CALN1: variants seen among roughly 807,000 people sequenced by gnomAD.
CALN1 encodes the protein calcium-binding protein 8.
A neutral mutation model predicts 30.6 loss-of-function variants in CALN1; 17 were observed. That is an observed-to-expected ratio of 0.56 (90% CI 0.38 to 0.83). The LOEUF (loss-of-function observed/expected upper bound fraction) is 0.83. Ranked by LOEUF, CALN1 falls within the 40% of genes least tolerant of loss-of-function variation. The pLI is 0.00. For synonymous variants in CALN1, 156 were observed against 131.4 expected (o/e 1.19, Z -1.28); for missense variants, 291 against 354.9 (o/e 0.82, Z 1.45).
intron 3 of CALN1, among the ~76,000 whole-genome samples, chr7:72,194,665 C>T (rs1286903738): frequency 6.8e-6 from 1 of 146,998 alleles, no homozygotes; most frequent in Non-Finnish European, 1.5e-5. Context: ...GATCTTGGCT[C>T]ACTGAAACCT....
At chr7:72,451,983 A>G (rs2129564751), upstream of CALN1, among the ~76,000 whole-genome samples, 1 of 152,304 alleles carries the variant, frequency 6.6e-6, no homozygotes, top group East Asian at 1.9e-4. Context: ...CAGCCTGGGC[A>G]ACAAGTGATA....
chr7:72,430,392 G>A (rs1026137830), intron 1 of CALN1, among the ~76,000 whole-genome samples: 1 of 150,812 alleles, frequency 6.6e-6, no homozygotes, highest in Non-Finnish European at 1.5e-5. Context: ...TTTGTAATAC[G>A]ATACACCAGG....
chr7:72,044,260 A>G (rs749700113), intron 4 of CALN1, among the ~76,000 whole-genome samples: 1 of 152,114 alleles, frequency 6.6e-6, no homozygotes, highest in Non-Finnish European at 1.5e-5. Flanking sequence ...GGATGTGCTC[A>G]AAGTTTGTGC....
In CALN1 at chr7:72,087,714, T is replaced by G. The variant is rs75685656; in HGVS notation, c.388+18437A>C. On this transcript the variant is annotated intron_variant, in intron 4 of 6. Coordinates refer to ENST00000395275, the MANE Select transcript of CALN1 (RefSeq NM_031468.4). ...GAATATAAAAGGCTGAGGAAAAACA[T>G]AGAGAAAGAACAGCTATGAGGGGTA... 1.0e-2 allele frequency among the ~76,000 whole-genome samples: 1,514 copies of G among 151,866 alleles called. 17 individuals carry two copies. Among genetic ancestry groups the G allele is most frequent in the African/African-American group, 0.032 (1,328 of 41,408 alleles).
chr7:72,393,802 C>T (rs1805743215), intron 2 of CALN1, among the ~76,000 whole-genome samples: 1 of 148,762 alleles, frequency 6.7e-6, no homozygotes, highest in Non-Finnish European at 1.5e-5. Context: ...CAGGCTGCTG[C>T]ACAGTGGCAC....
In CALN1 at chr7:72,106,092, G is replaced by A; in HGVS notation, c.388+59C>T. On this transcript the variant is annotated intron_variant, in intron 4 of 6. Transcript: ENST00000395275. ...AGTGCAAGGCCCTGCATAAACCGAA[G>A]GTCTCACTGATGAGACCGGGGCATG... The A allele has an allele frequency of 1.4e-5, 22 of 1,580,598 alleles. No individual in the cohort carries two copies. In the South Asian group the frequency reaches 2.3e-4, roughly 16 times the overall value.
rs1473772101 is a variant in CALN1, at chr7:72,023,701, G to A, written c.457C>T (p.Arg153Cys). ...LGPKLVSSEGRDGFLGNTIDS... is the reference protein window; with the variant it reads ...LGPKLVSSEGCDGFLGNTIDS... ...ATCGTGTTCCCAAGAAAACCATCGCGACCTTCTGAAGACACCAGTTTGGGG... is the reference window on the plus strand; with the variant it reads ...ATCGTGTTCCCAAGAAAACCATCGCAACCTTCTGAAGACACCAGTTTGGGG... Residue 153 changes from arginine (R) to cysteine (C), a missense_variant, in exon 5 of 7, where the codon CGC becomes TGC. Around this residue, in one of 2 missense-constraint regions of CALN1, gnomAD observed 169 missense variants for 251.7 expected, o/e 0.67. Transcript: ENST00000395275. The A allele has an allele frequency of 6.2e-6, 10 of 1,613,636 alleles. No individual in the cohort carries two copies. The highest frequency in any genetic ancestry group is 1.1e-5 in the South Asian group (1 of 91,040).
chr7:72,368,489 G>A (rs1290981937), intron 2 of CALN1, among the ~76,000 whole-genome samples: 1 of 151,818 alleles, frequency 6.6e-6, no homozygotes, highest in Non-Finnish European at 1.5e-5. Flanking sequence ...TCCCAATTGA[G>A]TGTGTGATAA....
intron 2 of CALN1, among the ~76,000 whole-genome samples, chr7:72,362,171 C>T (rs146619857): frequency 6.6e-6 from 1 of 152,200 alleles, no homozygotes; most frequent in Non-Finnish European, 1.5e-5. Flanking sequence ...ATAAAATATC[C>T]ACGTCCAGGG....
intron 3 of CALN1, among the ~76,000 whole-genome samples, chr7:72,178,733 G>A (rs191090522): frequency 2.7e-5 from 4 of 150,932 alleles, no homozygotes; most frequent in African/African-American, 9.7e-5. Context: ...ACAAACTCCC[G>A]CTTTATTTTT....
Position 72,343,128 on chromosome 7 carries a change from G to C in CALN1, c.119+60123C>G, listed in dbSNP as rs182491429. 1.1e-4 allele frequency among the ~76,000 whole-genome samples: 16 copies of C among 152,260 alleles called. No individual in the cohort carries two copies. In the East Asian group the frequency reaches 2.9e-3, roughly 28 times the overall value. ...GGAAAAAGCTATAACTGCCTCGAAA[G>C]ACTATTAATGAGAGTTGCAAGGACC... On this transcript the variant is annotated intron_variant, in intron 2 of 6. Coordinates refer to ENST00000395275, the MANE Select transcript of CALN1 (RefSeq NM_031468.4).
chr7:72,041,554 T>A (rs542514409), intron 4 of CALN1, among the ~76,000 whole-genome samples: 3 of 152,110 alleles, frequency 2.0e-5, no homozygotes, highest in East Asian at 3.9e-4. Context: ...CAGCTAATTT[T>A]TGTATTTTTA....
chr7:72,381,593 C>T (rs1230607033), intron 2 of CALN1, among the ~76,000 whole-genome samples: 1 of 152,200 alleles, frequency 6.6e-6, no homozygotes, highest in Admixed American at 6.5e-5. Context: ...AGCAAACTAA[C>T]ACAGGAACAG....
chr7:72,209,221 CTTCCCTCTTTCCTTCCCTCT>C (rs1792156637), intron 3 of CALN1, among the ~76,000 whole-genome samples: 11 of 109,200 alleles, frequency 1.0e-4, no homozygotes, highest in South Asian at 3.2e-4. Flanking sequence ...TCCTTCCCTC[CTTCCCTCTTTCCTTCCCTCT>C]TTCCTTCCCT....
intron 2 of CALN1, among the ~76,000 whole-genome samples, chr7:72,284,790 A>C (rs1187833509): frequency 6.6e-6 from 1 of 152,178 alleles, no homozygotes; most frequent in Non-Finnish European, 1.5e-5. Context: ...TCCTTATGAT[A>C]AATCTCTTTA....
At chr7:72,241,342 T>C (rs962556075) in intron 3 of CALN1, among the ~76,000 whole-genome samples, 1 of 152,152 alleles carries the variant, frequency 6.6e-6, no homozygotes, top group Admixed American at 6.6e-5. Flanking sequence ...TTTGTTCTGT[T>C]TTTAATAATT....
At chr7:72,280,004 C>G (rs552586112) in intron 2 of CALN1, among the ~76,000 whole-genome samples, 1 of 152,162 alleles carries the variant, frequency 6.6e-6, no homozygotes, top group African/African-American at 2.4e-5. Flanking sequence ...AAAGGTTTAA[C>G]CAGGAGCACA....
chr7:72,007,968 C>G (rs973838253), intron 5 of CALN1, among the ~76,000 whole-genome samples: 3 of 152,122 alleles, frequency 2.0e-5, no homozygotes, highest in African/African-American at 7.2e-5. Context: ...GAGAAAGTGT[C>G]AGAAACAGAA....
chr7:71,839,261 A>G lies in CALN1; in HGVS notation c.502-28769T>C, dbSNP rs373352113. Among the ~76,000 whole-genome samples, 10 of 152,118 alleles carry G rather than the reference A, an allele frequency of 6.6e-5. 1 individual carries two copies. The highest frequency in any genetic ancestry group is 5.8e-4 in the East Asian group (3 of 5,182). The stretch of plus-strand genomic sequence containing the variant: ...GTCATGAAAATGACACTTTTGGGCC[A>G]GGTGCTCATGCCTGTAATTCCAGCA... On this transcript the variant is annotated intron_variant, in intron 5 of 6. Coordinates refer to ENST00000395275, the MANE Select transcript of CALN1 (RefSeq NM_031468.4).
Sources: allele counts gnomAD v4.1 joint callset (sites outside exome capture counted in the v4.1 genomes callset), GRCh38; gene constraint gnomAD v4.1.1; regional missense constraint gnomAD v4.1.1; transcripts MANE v1.5; gene names NCBI Gene and HGNC (gene_info 2026-07-23, HGNC 2026-07-21).